ZMYM4: variants seen among roughly 807,000 people sequenced by gnomAD.
ZMYM4 encodes the protein zinc finger MYM-type protein 4.
A neutral mutation model predicts 183.2 loss-of-function variants in ZMYM4; 31 were observed. The ratio of observed to expected loss-of-function variants is 0.17; its 90% confidence interval spans 0.13 to 0.23. ZMYM4 has a LOEUF of 0.23. Ranked by LOEUF, ZMYM4 falls within the 10% of genes least tolerant of loss-of-function variation. The pLI is 1.00. For synonymous variants in ZMYM4, 592 were observed against 631.2 expected, an observed-to-expected ratio of 0.94 and a Z score of 0.93; for missense variants, 1,273 against 1,840.3, an observed-to-expected ratio of 0.69 and a Z score of 5.64.
chr1:35,370,753 A>ACAG (rs1644189039), intron 7 of ZMYM4, 126 bp downstream of exon 7: 1 of 708,938 alleles, frequency 1.4e-6, no homozygotes, highest in Non-Finnish European at 1.8e-6. Context: ...TTTTTTTGAG[A>ACAG]AATACCACAT....
chr1:35,351,361 A>G, intron 2 of ZMYM4: 1 of 1,574,272 alleles, frequency 6.4e-7, no homozygotes, highest in South Asian at 1.1e-5. Context: ...ATGAAAGAAG[A>G]TGAAGATGCT....
At chr1:35,392,407 C>G in intron 16 of ZMYM4, 55 bp downstream of exon 16, 1 of 1,560,688 alleles carries the variant, frequency 6.4e-7, no homozygotes. Flanking sequence ...ATGCAGTGGT[C>G]CCCTAACTTC....
chr1:35,325,906 A>G (rs900394278), intron 2 of ZMYM4, among the ~76,000 whole-genome samples: 3 of 152,238 alleles, frequency 2.0e-5, no homozygotes, highest in Non-Finnish European at 2.9e-5. Flanking sequence ...ACTTTTTTCT[A>G]TGAGTGTATA....
chr1:35,367,703 A>G (rs909141643), intron 5 of ZMYM4, among the ~76,000 whole-genome samples: 1 of 152,016 alleles, frequency 6.6e-6, no homozygotes, highest in African/African-American at 2.4e-5. Flanking sequence ...AGAGGTGGGC[A>G]TGGTGGCTTA....
At chr1:35,360,332 G>T (rs937398398) in intron 3 of ZMYM4, among the ~76,000 whole-genome samples, 1 of 151,914 alleles carries the variant, frequency 6.6e-6, no homozygotes, top group African/African-American at 2.4e-5. Flanking sequence ...TGTATTCTTG[G>T]GGCCTAACCT....
intron 23 of ZMYM4, among the ~76,000 whole-genome samples, chr1:35,401,986 C>A (rs1314948045): frequency 6.6e-6 from 1 of 152,056 alleles, no homozygotes; most frequent in Non-Finnish European, 1.5e-5. Flanking sequence ...TATACCAGTA[C>A]CAACTGTCCT....
intron 19 of ZMYM4, 159 bp from the exon 20 acceptor site, chr1:35,397,218 A>G (rs1309944941): frequency 9.3e-7 from 1 of 1,069,836 alleles, no homozygotes; most frequent in African/African-American, 1.6e-5. Flanking sequence ...AAATGGCTCT[A>G]GTCTTATAAA....
At chr1:35,282,378 C>T (rs1398564246) in intron 1 of ZMYM4, among the ~76,000 whole-genome samples, 2 of 152,208 alleles carry the variant, frequency 1.3e-5, no homozygotes, top group African/African-American at 2.4e-5. Context: ...TAAGCAGACA[C>T]CAGTGCCATG....
intron 2 of ZMYM4, among the ~76,000 whole-genome samples, chr1:35,343,120 A>G (rs1039671511): frequency 3.0e-4 from 46 of 152,150 alleles, no homozygotes; most frequent in African/African-American, 8.9e-4. Flanking sequence ...CCATCCATCT[A>G]TGCATTCATC....
At chr1:35,288,834 A>G (rs1640625487) in intron 1 of ZMYM4, among the ~76,000 whole-genome samples, 1 of 152,128 alleles carries the variant, frequency 6.6e-6, no homozygotes, top group African/African-American at 2.4e-5. Context: ...CATGACCTAT[A>G]ATTTGTGTCC....
intron 19 of ZMYM4, 143 bp from the exon 20 acceptor site, chr1:35,397,234 A>G (rs1644824837): frequency 9.1e-7 from 1 of 1,102,012 alleles, no homozygotes; most frequent in South Asian, 3.4e-5. Context: ...ATAAAAACAA[A>G]CTAGCAAGAC....
chr1:35,314,190 TC>T (rs1304550629), intron 1 of ZMYM4, among the ~76,000 whole-genome samples: 2 of 152,190 alleles, frequency 1.3e-5, no homozygotes, highest in African/African-American at 4.8e-5. Flanking sequence ...TCCTGATTCT[TC>T]CAACTTGGTA....
At chr1:35,276,385 A>G (rs1157934994) in intron 1 of ZMYM4, among the ~76,000 whole-genome samples, 1 of 151,942 alleles carries the variant, frequency 6.6e-6, no homozygotes, top group Admixed American at 6.6e-5. Context: ...ATCTATAAAT[A>G]CTTCCGTGTG....
In ZMYM4 at chr1:35,370,439, A is replaced by G. The variant is rs1176932993; in HGVS notation, c.993A>G (p.Ser331=). 1 of 1,593,816 alleles carries G rather than the reference A, an allele frequency of 6.3e-7. No individual in the cohort carries two copies. Residue 331 remains serine, a synonymous_variant, in exon 7 of 30, where the codon TCA becomes TCG. Transcript: ENST00000314607. ...ASSGMNKMLP[S]VPATAVRVSC... ...CTGGCATGAATAAAATGCTTCCTTC[A>G]GTTCCAGCCACAGCTGTTCGAGTTT...
chr1:35,269,002 C>A lies in ZMYM4; in HGVS notation c.-45C>A. ...GGGGCCGGGGGGCCGAGAGGTACCG[C>A]CGCCACCGCGCGGGGAGCCGCAGCG... On this transcript the variant is annotated 5_prime_UTR_variant, in exon 1 of 30. Transcript: ENST00000314607. 1 of 1,518,030 alleles carries A rather than the reference C, an allele frequency of 6.6e-7. No individual in the cohort carries two copies. The allele number at this position is 1,518,030 out of a possible 1,614,324, so 94.0% of individuals were successfully genotyped here. A position where few individuals can be genotyped will look rare whatever the true frequency, so the allele number is the denominator to read the frequency against.
At position 35,349,267 on chromosome 1, in the gene ZMYM4, C is replaced by T. The variant is rs371699456; in HGVS notation, c.86-9658C>T. On this transcript the variant is annotated intron_variant, in intron 2 of 29. Coordinates refer to ENST00000314607, the MANE Select transcript of ZMYM4 (RefSeq NM_005095.3). The stretch of plus-strand genomic sequence containing the variant: ...CCTCCCTAAGTGCTGGGATTACAGG[C>T]GTGAGCTATGGTGTCCGGCCTGTGG... 9.9e-5 allele frequency among the ~76,000 whole-genome samples: 15 copies of T among 152,178 alleles called. No individual in the cohort carries two copies. The East Asian group carries it at 2.7e-3, about 28-fold the overall frequency.
At chr1:35,394,162 C>CTTTTTTTTTTTTTTTTTTTTTTTTT (rs34277367) in intron 18 of ZMYM4, among the ~76,000 whole-genome samples, 4 of 68,430 alleles carry the variant, frequency 5.8e-5, no homozygotes, top group African/African-American at 2.4e-4. Flanking sequence ...TCAGAGCTTT[C>CTTTTTTTTTTTTTTTTTTTTTTTTT]TTTTTTTTTT....
chr1:35,395,817 G>A (rs781351695), intron 18 of ZMYM4, among the ~76,000 whole-genome samples: 11 of 152,128 alleles, frequency 7.2e-5, no homozygotes, highest in Non-Finnish European at 1.5e-4. Flanking sequence ...CAGAAGTATG[G>A]TATATACTTG....
rs548623418 is a variant in ZMYM4 at position 35,369,322 on chromosome 1, C to G, written c.841-707C>G. 9.2e-5 allele frequency among the ~76,000 whole-genome samples: 14 copies of G among 152,248 alleles called. No homozygotes were observed. The East Asian group carries it at 2.7e-3, about 29-fold the overall frequency. ...TCAGTTATATGGTGGTTACTCATGA[C>G]TTAAAATACGTGTATATGCACATAG... On this transcript the variant is annotated intron_variant, in intron 5 of 29. Coordinates refer to ENST00000314607, the MANE Select transcript of ZMYM4 (RefSeq NM_005095.3).
Sources: gnomAD v4.1 joint callset for allele counts (sites outside exome capture counted in the v4.1 genomes callset) on GRCh38, gnomAD v4.1.1 for gene constraint, MANE v1.5 for transcripts, NCBI Gene and HGNC (gene_info 2026-07-23, HGNC 2026-07-21) for gene names.